Variants in ROR1 observed in about 807,000 individuals in gnomAD.
The protein encoded by ROR1 is ROR family WNT receptor 1, also known as inactive tyrosine-protein kinase transmembrane receptor ROR1.
ROR1 carries 19 observed loss-of-function variants against 78.8 expected under a neutral mutation model. That is an observed-to-expected ratio of 0.24 (90% CI 0.17 to 0.35). The LOEUF (loss-of-function observed/expected upper bound fraction) is 0.35. ROR1 is among the 10% of genes least tolerant of loss of function. The pLI is 1.00. For synonymous variants in ROR1, 386 were observed against 433.6 expected (o/e 0.89, Z 1.36); for missense variants, 917 against 1,177.8 (o/e 0.78, Z 3.24).
intron 4 of ROR1, among the ~76,000 whole-genome samples, chr1:64,133,482 A>C (rs78326679): frequency 0.078 from 11,893 of 152,156 alleles, 1,509 homozygotes; most frequent in African/African-American, 0.27. Flanking sequence ...TGCCCTGGAG[A>C]AGGAGGAGAC....
At chr1:63,887,225 T>TG (rs76177514) in intron 1 of ROR1, among the ~76,000 whole-genome samples, 131,057 of 151,234 alleles carry the variant, frequency 0.87, 57,121 homozygotes, top group East Asian at 1. Context: ...CGTTTTGGGA[T>TG]GGGGGGGTTT....
chr1:64,028,226 C>T (rs920378763), intron 2 of ROR1, among the ~76,000 whole-genome samples: 14 of 152,280 alleles, frequency 9.2e-5, no homozygotes, highest in Middle Eastern at 3.4e-3. Context: ...ACTCAACAAG[C>T]ATTTGATGAG....
At chr1:63,839,537 TA>T (rs1645037544) in intron 1 of ROR1, among the ~76,000 whole-genome samples, 1 of 152,074 alleles carries the variant, frequency 6.6e-6, no homozygotes, top group South Asian at 2.1e-4. Flanking sequence ...TTATTGCAAT[TA>T]AAAAAGGTGC....
chr1:64,121,764 C>T (rs1295502465), intron 4 of ROR1, among the ~76,000 whole-genome samples: 2 of 152,168 alleles, frequency 1.3e-5, no homozygotes, highest in East Asian at 3.9e-4. Context: ...AGCCCTGGCA[C>T]CTAAAATAGT....
At chr1:63,944,135 CT>C (rs1229774010) in intron 1 of ROR1, among the ~76,000 whole-genome samples, 1 of 152,162 alleles carries the variant, frequency 6.6e-6, no homozygotes, top group Non-Finnish European at 1.5e-5. Flanking sequence ...CTTCTAGTCT[CT>C]CATGCCTGAA....
intron 2 of ROR1, among the ~76,000 whole-genome samples, chr1:64,041,425 C>G (rs1250574196): frequency 6.6e-6 from 1 of 152,132 alleles, no homozygotes; most frequent in African/African-American, 2.4e-5. Context: ...TACAATTTGT[C>G]TATTTGTAAA....
At chr1:63,859,498 A>G (rs1248571535) in intron 1 of ROR1, among the ~76,000 whole-genome samples, 3 of 152,234 alleles carry the variant, frequency 2.0e-5, no homozygotes, top group Admixed American at 2.0e-4. Flanking sequence ...TATAATTATT[A>G]GTTTATTTAA....
chr1:63,834,774 A>C (rs571085209), intron 1 of ROR1, among the ~76,000 whole-genome samples: 1 of 152,214 alleles, frequency 6.6e-6, no homozygotes, highest in South Asian at 2.1e-4. Flanking sequence ...CAAGTGGACT[A>C]CTGTTCCAAG....
Position 64,134,128 on chromosome 1 carries a change from C to T in ROR1, c.483-3241C>T, listed in dbSNP as rs146960143. 3.2e-3 allele frequency among the ~76,000 whole-genome samples: 481 copies of T among 152,234 alleles called. 1 individual carries two copies. Among genetic ancestry groups the T allele is most frequent in the Non-Finnish European group, 5.7e-3 (391 of 68,010 alleles). On this transcript the variant is annotated intron_variant, in intron 4 of 8. Transcript: ENST00000371079. Reference sequence around the variant, plus strand: ...GCAAATCTAGCTCTTCTACTTGCTGCGTAACTTTGGATAAGTTCTCTATGC... The same window carrying T: ...GCAAATCTAGCTCTTCTACTTGCTGTGTAACTTTGGATAAGTTCTCTATGC...
intron 2 of ROR1, among the ~76,000 whole-genome samples, chr1:64,024,595 G>A (rs1302677898): frequency 6.6e-6 from 1 of 152,162 alleles, no homozygotes; most frequent in East Asian, 1.9e-4. Context: ...AATTATTCTA[G>A]CTTTGTGTTA....
intron 1 of ROR1, among the ~76,000 whole-genome samples, chr1:63,926,022 G>C (rs1156395304): frequency 6.6e-6 from 1 of 151,644 alleles, no homozygotes; most frequent in Admixed American, 6.6e-5. Flanking sequence ...AGTTTAATTA[G>C]ATCCCATTTG....
intron 4 of ROR1, among the ~76,000 whole-genome samples, chr1:64,109,167 A>G (rs922754914): frequency 1.3e-5 from 2 of 152,202 alleles, no homozygotes; most frequent in African/African-American, 4.8e-5. Flanking sequence ...TTTGAGAGAC[A>G]TGGCATCAAC....
intron 1 of ROR1, among the ~76,000 whole-genome samples, chr1:64,008,119 G>T (rs1646444108): frequency 6.6e-6 from 1 of 151,956 alleles, no homozygotes; most frequent in African/African-American, 2.4e-5. Context: ...TTCAACCCTT[G>T]CCCCACTCCC....
At chr1:63,789,993 G>T (rs1644715987) in intron 1 of ROR1, among the ~76,000 whole-genome samples, 1 of 152,072 alleles carries the variant, frequency 6.6e-6, no homozygotes, top group African/African-American at 2.4e-5. Flanking sequence ...CCCTCCCACA[G>T]AAGCACCTTT....
chr1:64,135,326 G>T (rs907417370), intron 4 of ROR1, among the ~76,000 whole-genome samples: 3 of 152,182 alleles, frequency 2.0e-5, no homozygotes, highest in African/African-American at 7.2e-5. Context: ...CATAAAATAT[G>T]GGAACTCCCA....
At chr1:63,787,432 CCTTT>C (rs1644695282) in intron 1 of ROR1, among the ~76,000 whole-genome samples, 2 of 116,092 alleles carry the variant, frequency 1.7e-5, no homozygotes, top group East Asian at 2.4e-4. Context: ...AGAACTATTG[CCTTT>C]CTTTCCTTCC....
intron 1 of ROR1, among the ~76,000 whole-genome samples, chr1:63,961,634 A>T (rs1002813015): frequency 2.0e-5 from 3 of 152,218 alleles, no homozygotes; most frequent in African/African-American, 4.8e-5. Flanking sequence ...AGCTAAAAAA[A>T]GTTGATCTCT....
chr1:64,151,115 GT>G (rs905638084), intron 7 of ROR1, among the ~76,000 whole-genome samples: 1 of 152,232 alleles, frequency 6.6e-6, no homozygotes, highest in Non-Finnish European at 1.5e-5. Flanking sequence ...ATGTTATAAT[GT>G]AATTATTTAG....
Position 63,935,975 on chromosome 1 carries a change from A to G in ROR1, c.92-73330A>G, listed in dbSNP as rs146915550. Among the ~76,000 whole-genome samples the G allele has an allele frequency of 1.5e-3, 235 of 152,368 alleles. 1 individual carries two copies. The highest frequency in any genetic ancestry group is 3.0e-3 in the Non-Finnish European group (201 of 68,038). On this transcript the variant is annotated intron_variant, in intron 1 of 8. Transcript: ENST00000371079. ...TCAAATTATGAAAGCTTTGGTAAAA[A>G]TCCCAAGTTGGATGTTGCTGGCATT...
Sources: gnomAD v4.1 joint callset for allele counts (sites outside exome capture counted in the v4.1 genomes callset) on GRCh38, gnomAD v4.1.1 for gene constraint, MANE v1.5 for transcripts, NCBI Gene and HGNC (gene_info 2026-07-23, HGNC 2026-07-21) for gene names.